The following IPO9 variants were observed in gnomAD, a reference collection of about 807,000 sequenced individuals.
IPO9 encodes importin 9.
A neutral mutation model predicts 128.6 loss-of-function variants in IPO9; 28 were observed. The ratio of observed to expected loss-of-function variants is 0.22; its 90% CI spans 0.16 to 0.30. The LOEUF is 0.30. Ranked by LOEUF, IPO9 falls within the 10% of genes least tolerant of loss-of-function variation. IPO9 has a pLI of 1.00. For missense variants in IPO9, 935 were observed against 1,293.9 expected (o/e 0.72, Z 4.26); for synonymous variants, 455 against 475.8 (o/e 0.96, Z 0.57).
intron 21 of IPO9, 106 bp from the exon 22 acceptor site, chr1:201,874,726 C>A: frequency 2.6e-6 from 2 of 778,514 alleles, no homozygotes; most frequent in Non-Finnish European, 4.4e-6. Flanking sequence ...GACTACAAGC[C>A]ACATTGCAGA....
chr1:201,876,156 A>G lies in IPO9; in HGVS notation c.*102A>G. On this transcript the variant is annotated 3_prime_UTR_variant, in exon 24 of 24. Coordinates refer to ENST00000361565, the MANE Select transcript of IPO9 (RefSeq NM_018085.5). ...CACTTTCTTCTCAACCTAAAGTGGCATCTTGACCCTTGGCCCTTGGCCTCG... is the reference window on the plus strand; with the variant it reads ...CACTTTCTTCTCAACCTAAAGTGGCGTCTTGACCCTTGGCCCTTGGCCTCG... 1.2e-6 allele frequency: 1 copy of G among 856,796 alleles called. No homozygotes were observed. The highest frequency in any genetic ancestry group is 2.0e-6 in the Non-Finnish European group (1 of 488,996). The allele number at this position is 856,796 out of a possible 1,614,324, so 53.1% of individuals were successfully genotyped here. A position where few individuals can be genotyped will look rare whatever the true frequency, so the allele number is the denominator to read the frequency against.
At chr1:201,875,034 C>A in intron 22 of IPO9, 98 bp downstream of exon 22, 1 of 1,340,678 alleles carries the variant, frequency 7.5e-7, no homozygotes, top group Non-Finnish European at 1.1e-6. Context: ...GGTGGGCCCA[C>A]AGGGACATTT....
chr1:201,848,593 A>G lies in IPO9; in HGVS notation c.513A>G (p.Thr171=), dbSNP rs1680161104. The change falls in exon 4 of 24, where the codon ACA becomes ACG. Residue 171 remains threonine (T), a splice_region_variant and synonymous_variant. Transcript: ENST00000361565. ...NAVHGAMRVL[T]EFTREVTDTQ... ...TCCATGGAGCCATGCGTGTGCTGAC[A>G]GGTACCAGAAGCCCTTTTCCCTGGT... The G allele has an allele frequency of 6.2e-7, 1 of 1,613,562 alleles. No individual in the cohort carries two copies. The highest frequency in any genetic ancestry group is 1.7e-5 in the Admixed American group (1 of 59,988).
chr1:201,871,475 CT>C, intron 19 of IPO9, 148 bp downstream of exon 19: 3 of 560,784 alleles, frequency 5.3e-6, no homozygotes, highest in Non-Finnish European at 8.9e-6. Context: ...CAACCTCCAC[CT>C]CCTAGGTTCA....
In IPO9 at chr1:201,874,386, T is replaced by A. The variant is rs745470157; in HGVS notation, c.2833+14T>A. The A allele has an allele frequency of 6.2e-7, 1 of 1,604,754 alleles. No individual in the cohort carries two copies. The highest frequency in any genetic ancestry group is 8.5e-7 in the Non-Finnish European group (1 of 1,174,792). ...AGTGGAGTCAAGGTGCACCAGGCCC[T>A]TACTCCCAGGAGACTTTTAGCCTGG... On this transcript the variant is annotated intron_variant, in intron 21 of 23. Transcript: ENST00000361565.
At chr1:201,835,694 C>G (rs1273825577) in intron 1 of IPO9, among the ~76,000 whole-genome samples, 1 of 152,208 alleles carries the variant, frequency 6.6e-6, no homozygotes, top group African/African-American at 2.4e-5. Flanking sequence ...CTTAAACAGT[C>G]GTTTCCAAGC....
intron 1 of IPO9, among the ~76,000 whole-genome samples, chr1:201,846,019 G>A (rs1371625212): frequency 6.6e-6 from 1 of 152,186 alleles, no homozygotes; most frequent in Non-Finnish European, 1.5e-5. Context: ...GAAGCAGGAA[G>A]TACATTTGAG....
At chr1:201,852,780 A>T (rs77590236) in intron 5 of IPO9, among the ~76,000 whole-genome samples, 2,553 of 152,264 alleles carry the variant, frequency 0.017, 77 homozygotes, top group African/African-American at 0.058. Flanking sequence ...AGAGGCCCTT[A>T]TATAAGGTTC....
chr1:201,868,284 G>A (rs1364452650), intron 15 of IPO9, among the ~76,000 whole-genome samples: 1 of 145,504 alleles, frequency 6.9e-6, no homozygotes, highest in Non-Finnish European at 1.5e-5. Flanking sequence ...CAGCTTTCAT[G>A]TCTTCTTAAA....
At chr1:201,868,606 A>G (rs1401450257) in intron 15 of IPO9, 42 bp from the exon 16 acceptor site, 2 of 1,584,504 alleles carry the variant, frequency 1.3e-6, no homozygotes, top group East Asian at 2.3e-5. Flanking sequence ...GCAGATGCAG[A>G]CCATCAGGCA....
chr1:201,863,696 T>C lies in IPO9; in HGVS notation c.1628+89T>C, dbSNP rs957110813. 1.7e-5 allele frequency: 20 copies of C among 1,186,604 alleles called. No homozygotes were observed. In the Admixed American group the frequency reaches 4.0e-4, roughly 23 times the overall value. 73.5% of individuals were successfully genotyped at this position (1,186,604 alleles called of 1,614,324 possible). A position where few individuals can be genotyped will look rare whatever the true frequency, so the allele number is the denominator to read the frequency against. On this transcript the variant is annotated intron_variant, in intron 14 of 23. Coordinates refer to ENST00000361565, the MANE Select transcript of IPO9 (RefSeq NM_018085.5). ...CAGTTTTCCAGTGTATTATGTTGCTTGGAAATCCCTGCTAATGATATCCTT... is the reference window on the plus strand; with the variant it reads ...CAGTTTTCCAGTGTATTATGTTGCTCGGAAATCCCTGCTAATGATATCCTT...
rs1018715417 is a variant in IPO9 at position 201,854,662 on chromosome 1, A to G, written c.758A>G (p.Gln253Arg). ...ACAGAGGCCTTTGTTCAGGCCCTCC[A>G]GATACCAGATGGCCCCACATCTGAC... ...QFTEAFVQALQIPDGPTSDSG... is the reference protein window; with the variant it reads ...QFTEAFVQALRIPDGPTSDSG... The change falls in exon 7 of 24, where the codon CAG becomes CGG. Residue 253 changes from glutamine (Q) to arginine (R), a missense_variant. Transcript: ENST00000361565. 6.2e-7 allele frequency: 1 copy of G among 1,614,104 alleles called. No individual in the cohort carries two copies. The highest frequency in any genetic ancestry group is 8.5e-7 in the Non-Finnish European group (1 of 1,180,036).
intron 6 of IPO9, 98 bp downstream of exon 6, chr1:201,853,195 C>T: frequency 1.1e-6 from 1 of 890,682 alleles, no homozygotes; most frequent in Non-Finnish European, 1.9e-6. Context: ...AAAAAGCACA[C>T]TAACCAGTAT....
intron 14 of IPO9, among the ~76,000 whole-genome samples, chr1:201,866,193 T>C (rs1304751698): frequency 1.3e-5 from 2 of 152,146 alleles, no homozygotes; most frequent in Non-Finnish European, 2.9e-5. Flanking sequence ...GACTTTCTTC[T>C]GAAGTACCTC....
At chr1:201,854,780 A>G (rs1343909513) in intron 7 of IPO9, 43 bp from the exon 8 acceptor site, 2 of 1,605,672 alleles carry the variant, frequency 1.2e-6, no homozygotes, top group Non-Finnish European at 1.7e-6. Flanking sequence ...TTTATTTCTT[A>G]TATATCACTC....
chr1:201,844,846 A>G (rs1054012824), intron 1 of IPO9, among the ~76,000 whole-genome samples: 1 of 152,242 alleles, frequency 6.6e-6, no homozygotes, highest in African/African-American at 2.4e-5. Flanking sequence ...GGTGGAACAT[A>G]GATGGGAAAG....
intron 21 of IPO9, 93 bp from the exon 22 acceptor site, chr1:201,874,739 C>T: frequency 5.9e-6 from 5 of 851,630 alleles, no homozygotes; most frequent in African/African-American, 1.7e-5. Context: ...ATTGCAGAAG[C>T]CTTTGGGGCC....
Position 201,829,176 on chromosome 1 carries a change from C to T in IPO9, c.-34C>T, listed in dbSNP as rs757394878. The T allele has an allele frequency of 1.2e-5, 17 of 1,460,286 alleles. No individual in the cohort carries two copies. The Admixed American group carries it at 3.9e-4, about 33-fold the overall frequency. 90.5% of individuals were successfully genotyped at this position (1,460,286 alleles called of 1,614,324 possible). On this transcript the variant is annotated 5_prime_UTR_variant, in exon 1 of 24. Transcript: ENST00000361565. ...GGGGCCGTCATTCGGTGGCGGGTCCCGGCCGCGGGGCTGGCGGGCTGAGGG... is the reference window on the plus strand; with the variant it reads ...GGGGCCGTCATTCGGTGGCGGGTCCTGGCCGCGGGGCTGGCGGGCTGAGGG...
chr1:201,851,519 G>A (rs1288317192), intron 4 of IPO9, among the ~76,000 whole-genome samples: 3 of 150,868 alleles, frequency 2.0e-5, no homozygotes, highest in Non-Finnish European at 4.4e-5. Context: ...CGTCACCTTC[G>A]AGTCTCATTC....
Sources: gnomAD v4.1 joint callset for allele counts (sites outside exome capture counted in the v4.1 genomes callset) on GRCh38, gnomAD v4.1.1 for gene constraint, MANE v1.5 for transcripts, NCBI Gene and HGNC (gene_info 2026-07-23, HGNC 2026-07-21) for gene names.